SLCO3A1: variants seen among roughly 807,000 people sequenced by gnomAD.
SLCO3A1 encodes the protein PGE1 transporter.
In SLCO3A1, 27 loss-of-function variants were observed where a neutral mutation model predicts 63.1. The ratio of observed to expected loss-of-function variants is 0.43; its 90% CI spans 0.32 to 0.59. The LOEUF is 0.59. SLCO3A1 is among the 20% of genes least tolerant of loss of function. SLCO3A1 has a pLI of 0.09. For synonymous variants in SLCO3A1, 473 were observed against 409.9 expected, an observed-to-expected ratio of 1.15 and a Z score of -1.86; for missense variants, 773 against 945.8, an observed-to-expected ratio of 0.82 and a Z score of 2.40.
chr15:92,128,342 CTT>C lies in SLCO3A1; in HGVS notation c.1374-6_1374-5del. ...TTCTAATGGCTTCCGTGTTTCCTTT[CTT>C]TTCCAGCACAGCACCTGGCTCAGCC... On this transcript the variant is annotated splice_polypyrimidine_tract_variant and splice_region_variant and intron_variant, in intron 6 of 9. Transcript: ENST00000318445. 15 of 1,613,236 alleles carry C rather than the reference CTT, an allele frequency of 9.3e-6. No individual in the cohort carries two copies. Among genetic ancestry groups the C allele is most frequent in the Non-Finnish European group, 1.2e-5 (14 of 1,179,754 alleles).
At chr15:92,084,050 A>T (rs186653133) in intron 2 of SLCO3A1, among the ~76,000 whole-genome samples, 26 of 152,204 alleles carry the variant, frequency 1.7e-4, no homozygotes, top group African/African-American at 6.3e-4. Flanking sequence ...ATCCTTAATG[A>T]GCATGTGCTG....
chr15:91,915,915 C>G (rs951252333), intron 1 of SLCO3A1, 78 bp from the exon 2 acceptor site: 57 of 1,236,324 alleles, frequency 4.6e-5, no homozygotes, highest in Non-Finnish European at 6.5e-5. Flanking sequence ...ATGGGCAGAG[C>G]GCACTGTCAG....
At position 91,872,346 on chromosome 15, in the gene SLCO3A1, C is replaced by T. The variant is rs553483232; in HGVS notation, c.180+18258C>T. Among the ~76,000 whole-genome samples the T allele has an allele frequency of 5.9e-4, 90 of 152,170 alleles. No homozygotes were observed. The highest frequency in any genetic ancestry group is 2.1e-3 in the African/African-American group (88 of 41,516). On this transcript the variant is annotated intron_variant, in intron 1 of 9. Coordinates refer to ENST00000318445, the MANE Select transcript of SLCO3A1 (RefSeq NM_013272.4). This position sits in a 1 kb window ranked among gnomAD's most constrained non-coding sequence, Gnocchi z 4.1. ...AGGAGTTCGAGACCAGCCTGGCCAA[C>T]GTGGTGAAACCCCTTCTCTACTAAA... is the stretch of plus-strand genomic sequence containing the variant.
chr15:92,132,847 C>T (rs563327953), intron 7 of SLCO3A1, among the ~76,000 whole-genome samples: 7 of 145,328 alleles, frequency 4.8e-5, no homozygotes, highest in South Asian at 2.2e-4. Flanking sequence ...TTCAGTGTGA[C>T]GGGTCTCAAT....
chr15:92,080,029 G>A (rs62008609), intron 2 of SLCO3A1, among the ~76,000 whole-genome samples: 15,446 of 152,310 alleles, frequency 0.1, 1,165 homozygotes, highest in East Asian at 0.41. Flanking sequence ...AGCCAGAGAG[G>A]CATGTGCCTT....
At chr15:91,947,705 A>G (rs779643763) in intron 2 of SLCO3A1, among the ~76,000 whole-genome samples, 14 of 152,186 alleles carry the variant, frequency 9.2e-5, no homozygotes, top group Admixed American at 3.9e-4. Context: ...CTCCTGGAGC[A>G]ATAATAGCTG....
At chr15:92,172,032 C>A (rs1421343014) in exon 11 of SLCO3A1, 1 of 600,520 alleles carries the variant, frequency 1.7e-6, no homozygotes, top group Non-Finnish European at 3.0e-6. Context: ...GTGATGAGGA[C>A]CAAAGAGGTG....
At chr15:91,975,807 T>C (rs1272767934) in intron 2 of SLCO3A1, among the ~76,000 whole-genome samples, 1 of 152,220 alleles carries the variant, frequency 6.6e-6, no homozygotes, top group African/African-American at 2.4e-5. Context: ...AGGAGCAGCC[T>C]ACTTTCCCTA....
intron 2 of SLCO3A1, among the ~76,000 whole-genome samples, chr15:92,037,097 C>T (rs544527114): frequency 2.0e-5 from 3 of 152,298 alleles, no homozygotes; most frequent in African/African-American, 7.2e-5. Context: ...TAGCATCATG[C>T]CGTGGGATGG....
chr15:92,075,646 C>T lies in SLCO3A1; in HGVS notation c.647-19235C>T, dbSNP rs115830123. On this transcript the variant is annotated intron_variant, in intron 2 of 9. Transcript: ENST00000318445. ...AGATAGTTTGGCCATGTTGAATCCT[C>T]AGTCTACCTCTAGTGTATGAATCTT... Among the ~76,000 whole-genome samples the T allele has an allele frequency of 1.3e-3, 192 of 152,346 alleles. 1 individual carries two copies. The highest frequency in any genetic ancestry group is 4.5e-3 in the African/African-American group (186 of 41,574).
intron 2 of SLCO3A1, among the ~76,000 whole-genome samples, chr15:92,071,079 C>T (rs550579908): frequency 6.6e-6 from 1 of 152,296 alleles, no homozygotes; most frequent in South Asian, 2.1e-4. Context: ...CTTTTGCCCC[C>T]TTTTCTGGGA....
intron 7 of SLCO3A1, among the ~76,000 whole-genome samples, chr15:92,144,446 T>C (rs895330972): frequency 2.6e-5 from 4 of 152,190 alleles, no homozygotes; most frequent in African/African-American, 9.6e-5. Flanking sequence ...GTCTTCTAGA[T>C]TGATGATAGT....
chr15:92,097,542 A>G (rs1220727936), intron 3 of SLCO3A1, among the ~76,000 whole-genome samples: 1 of 152,170 alleles, frequency 6.6e-6, no homozygotes, highest in East Asian at 1.9e-4. Flanking sequence ...GGTGTGATCC[A>G]TGGTTCCAGG....
chr15:91,928,745 A>G (rs1567190556), intron 2 of SLCO3A1, among the ~76,000 whole-genome samples: 1 of 152,186 alleles, frequency 6.6e-6, no homozygotes, highest in Non-Finnish European at 1.5e-5. Context: ...GGAATTTTAA[A>G]AACTCTCATC....
chr15:92,133,090 A>C lies in SLCO3A1; in HGVS notation c.1512+4601A>C, dbSNP rs2283460. ...ATGGATTGTCATGAGGCGCTGCCCT[A>C]TGCACTGTGTTTTTACCAGCATCCC... On this transcript the variant is annotated intron_variant, in intron 7 of 9. Transcript: ENST00000318445. Among the ~76,000 whole-genome samples, 6 of 144,994 alleles carry C rather than the reference A, an allele frequency of 4.1e-5. No individual in the cohort carries two copies. The East Asian group carries it at 1.2e-3, about 28-fold the overall frequency.
At chr15:92,072,957 C>T (rs951683590) in intron 2 of SLCO3A1, among the ~76,000 whole-genome samples, 14 of 152,172 alleles carry the variant, frequency 9.2e-5, no homozygotes, top group South Asian at 2.1e-4. Context: ...AAACCTTACA[C>T]GGGGCAGAAG....
intron 2 of SLCO3A1, among the ~76,000 whole-genome samples, chr15:92,038,915 A>G (rs908918656): frequency 6.6e-6 from 1 of 152,324 alleles, no homozygotes; most frequent in East Asian, 1.9e-4. Context: ...CATATAGACC[A>G]ATGGAACAGA....
At chr15:92,156,718 G>GGACAT (rs1380209134) in intron 9 of SLCO3A1, among the ~76,000 whole-genome samples, 1 of 152,198 alleles carries the variant, frequency 6.6e-6, no homozygotes, top group African/African-American at 2.4e-5. Flanking sequence ...AGCTGGTGCT[G>GGACAT]GACATAACAG....
At chr15:92,011,449 A>G (rs573817030) in intron 2 of SLCO3A1, among the ~76,000 whole-genome samples, 4 of 152,352 alleles carry the variant, frequency 2.6e-5, no homozygotes, top group African/African-American at 9.6e-5. Context: ...ATTGTACTCC[A>G]TAAATATGTA....
Sources: gnomAD v4.1 joint callset for allele counts (sites outside exome capture counted in the v4.1 genomes callset) on GRCh38, gnomAD v4.1.1 for gene constraint, Gnocchi (gnomAD v3.1) non-coding constraint, MANE v1.5 for transcripts, NCBI Gene and HGNC (gene_info 2026-07-23, HGNC 2026-07-21) for gene names.